The following CNTNAP4 variants were observed in gnomAD, a reference collection of about 807,000 sequenced individuals.
CNTNAP4 encodes contactin-associated protein-like 4.
In CNTNAP4, 98 loss-of-function variants were observed where a neutral mutation model predicts 148.4. The observed-to-expected ratio is 0.66, with a 90% CI of 0.56 to 0.78. The LOEUF (loss-of-function observed/expected upper bound fraction) is 0.78. Among genes scored for constraint, CNTNAP4 ranks in the 30% least tolerant of loss-of-function variants. The pLI, the probability that CNTNAP4 is intolerant of heterozygous loss-of-function variation, is 0.00. For missense variants in CNTNAP4, 1,935 were observed against 1,565.6 expected (o/e 1.24, Z -3.98); for synonymous variants, 730 against 565.1 (o/e 1.29, Z -4.14).
At chr16:76,503,971 A>T (rs1361735073) in intron 15 of CNTNAP4, among the ~76,000 whole-genome samples, 1 of 152,032 alleles carries the variant, frequency 6.6e-6, no homozygotes, top group Non-Finnish European at 1.5e-5. Context: ...AATTATATTT[A>T]AAAATTTATG....
At position 76,470,496 on chromosome 16, in the gene CNTNAP4, T is replaced by TATATAAAA. The variant is rs1381766837; in HGVS notation, c.1655+2974_1655+2975insTATAAAAA. Among the ~76,000 whole-genome samples the TATATAAAA allele has an allele frequency of 2.9e-3, 167 of 57,128 alleles. 16 individuals carry two copies. The highest frequency in any genetic ancestry group is 6.8e-3 in the African/African-American group (157 of 22,952). The allele number at this position is 57,128 out of a possible 152,430, so 37.5% of individuals were successfully genotyped here. A position where few individuals can be genotyped will look rare whatever the true frequency, so the allele number is the denominator to read the frequency against. On this transcript the variant is annotated intron_variant, in intron 10 of 23. Transcript: ENST00000611870. ...TCTCTACTAATAATATATATATATA[T>TATATAAAA]AAAATTAGTCGGGCATGGTGGCACA...
intron 15 of CNTNAP4, among the ~76,000 whole-genome samples, chr16:76,519,535 G>A (rs1215279666): frequency 1.3e-5 from 2 of 152,104 alleles, no homozygotes; most frequent in Non-Finnish European, 2.9e-5. Flanking sequence ...TTATTTTTAT[G>A]TTAATGTATA....
chr16:76,351,393 T>G (rs949260572), intron 2 of CNTNAP4, among the ~76,000 whole-genome samples: 1 of 152,152 alleles, frequency 6.6e-6, no homozygotes, highest in Admixed American at 6.5e-5. Flanking sequence ...CAAAGAATAA[T>G]CAATTTATCT....
intron 3 of CNTNAP4, among the ~76,000 whole-genome samples, chr16:76,403,922 T>C (rs915761296): frequency 6.6e-6 from 1 of 152,154 alleles, no homozygotes; most frequent in Non-Finnish European, 1.5e-5. Context: ...CTGGAGGCCA[T>C]TATCATTAGC....
intron 2 of CNTNAP4, among the ~76,000 whole-genome samples, chr16:76,342,393 A>G (rs894314862): frequency 3.3e-5 from 5 of 151,410 alleles, no homozygotes; most frequent in African/African-American, 1.2e-4. Context: ...AGTTTTTGAC[A>G]TTTATGGTTG....
At chr16:76,558,313 C>A in intron 23 of CNTNAP4, 177 bp from the exon 24 acceptor site, 1 of 506,128 alleles carries the variant, frequency 2.0e-6, no homozygotes, top group Non-Finnish European at 3.5e-6. Context: ...CAGAAATAAA[C>A]TCAACATACA....
chr16:76,470,089 T>C (rs534154191), intron 10 of CNTNAP4, among the ~76,000 whole-genome samples: 15 of 152,100 alleles, frequency 9.9e-5, no homozygotes, highest in Non-Finnish European at 1.5e-4. Flanking sequence ...TAGAACCTGT[T>C]CTTCATAGTG....
chr16:76,477,207 A>G (rs1476708087), intron 11 of CNTNAP4, among the ~76,000 whole-genome samples: 1 of 152,162 alleles, frequency 6.6e-6, no homozygotes, highest in Non-Finnish European at 1.5e-5. Context: ...CCTGTATTAC[A>G]AATCATGAAT....
intron 3 of CNTNAP4, among the ~76,000 whole-genome samples, chr16:76,380,359 T>A (rs956149404): frequency 8.5e-5 from 13 of 152,200 alleles, no homozygotes; most frequent in African/African-American, 3.1e-4. Flanking sequence ...GGTCTCTCCG[T>A]ATCACATAAT....
intron 21 of CNTNAP4, among the ~76,000 whole-genome samples, chr16:76,549,856 A>C (rs1345199355): frequency 6.6e-6 from 1 of 152,202 alleles, no homozygotes; most frequent in African/African-American, 2.4e-5. Context: ...AAAAATTGGC[A>C]TTCTAAGAGA....
chr16:76,548,774 C>G (rs756274771), intron 21 of CNTNAP4, among the ~76,000 whole-genome samples: 41 of 152,170 alleles, frequency 2.7e-4, no homozygotes, highest in Admixed American at 3.3e-4. Context: ...CAGTCTCTCC[C>G]TCCACCTACC....
intron 4 of CNTNAP4, among the ~76,000 whole-genome samples, chr16:76,434,125 ATATT>A (rs1200758872): frequency 1.3e-5 from 2 of 148,700 alleles, no homozygotes; most frequent in African/African-American, 4.9e-5. Context: ...TAAAATATAT[ATATT>A]TATAAATATA....
chr16:76,336,655 A>G (rs1010854037), intron 2 of CNTNAP4, among the ~76,000 whole-genome samples: 1 of 152,224 alleles, frequency 6.6e-6, no homozygotes, highest in Admixed American at 6.5e-5. Context: ...TATATTCACA[A>G]TGCACATATA....
chr16:76,361,637 C>G (rs1053774306), intron 3 of CNTNAP4, among the ~76,000 whole-genome samples: 1 of 152,086 alleles, frequency 6.6e-6, no homozygotes, highest in African/African-American at 2.4e-5. Flanking sequence ...GCAGATGTCT[C>G]TTTGAGATCC....
chr16:76,392,110 C>G (rs2017052925), intron 3 of CNTNAP4, among the ~76,000 whole-genome samples: 1 of 152,178 alleles, frequency 6.6e-6, no homozygotes, highest in East Asian at 1.9e-4. Flanking sequence ...TCTCCTGCCT[C>G]AGCCTCCCAA....
At chr16:76,324,703 T>A (rs1415194219) in intron 2 of CNTNAP4, among the ~76,000 whole-genome samples, 1 of 152,168 alleles carries the variant, frequency 6.6e-6, no homozygotes, top group Non-Finnish European at 1.5e-5. Context: ...AGATTTGATG[T>A]CTTGTTAGGG....
chr16:76,495,940 A>G (rs1430880550), intron 14 of CNTNAP4, among the ~76,000 whole-genome samples: 1 of 152,066 alleles, frequency 6.6e-6, no homozygotes, highest in Non-Finnish European at 1.5e-5. Context: ...GGAAACATCA[A>G]CTAAATCCCA....
At chr16:76,393,142 A>G (rs2078085432) in intron 3 of CNTNAP4, among the ~76,000 whole-genome samples, 1 of 152,178 alleles carries the variant, frequency 6.6e-6, no homozygotes, top group Non-Finnish European at 1.5e-5. Flanking sequence ...AACTTTTTCC[A>G]TTAGGAAACC....
chr16:76,295,186 T>C (rs116285644), intron 1 of CNTNAP4, among the ~76,000 whole-genome samples: 103 of 152,208 alleles, frequency 6.8e-4, no homozygotes, highest in Middle Eastern at 3.4e-3. Context: ...TGAAAGGTGT[T>C]TACTGAAGGA....
Sources: gnomAD v4.1 joint callset for allele counts (sites outside exome capture counted in the v4.1 genomes callset) on GRCh38, gnomAD v4.1.1 for gene constraint, MANE v1.5 for transcripts, NCBI Gene and HGNC (gene_info 2026-07-23, HGNC 2026-07-21) for gene names.